CDC42: variants seen among roughly 807,000 people sequenced by gnomAD.
CDC42 encodes cell division cycle 42.
Under a neutral mutation model 20.8 loss-of-function variants are expected in CDC42, and 1 was observed. That is an observed-to-expected ratio of 0.05 (90% CI 0.02 to 0.23). The LOEUF (loss-of-function observed/expected upper bound fraction) is 0.23, where lower values mean the gene tolerates loss of function less well. Among genes scored for constraint, CDC42 ranks in the 10% least tolerant of loss-of-function variants. CDC42 has a pLI of 1.00. For missense variants in CDC42, 49 were observed against 227.9 expected (o/e 0.21, Z 5.05); for synonymous variants, 72 against 84.8 (o/e 0.85, Z 0.83).
rs976117816 is a variant in CDC42 at position 22,079,441 on chromosome 1, A to G, written c.105+858A>G. Among the ~76,000 whole-genome samples, 4 of 152,156 alleles carry G rather than the reference A, an allele frequency of 2.6e-5. No homozygotes were observed. The East Asian group carries it at 5.8e-4, about 22-fold the overall frequency. On this transcript the variant is annotated intron_variant, in intron 2 of 5. Transcript: ENST00000656825. ...GGCGTGAGCCACCATGCCTGGCCCC[A>G]TAACTGTTTTTTAAATCAACTCTTT...
At chr1:22,091,337 A>G in intron 5 of CDC42, 91 bp from the exon 6 acceptor site, 2 of 761,108 alleles carry the variant, frequency 2.6e-6, no homozygotes, top group East Asian at 2.6e-5. Flanking sequence ...TTCTTTGCCA[A>G]CTCTTGGGGG....
At position 22,098,000 on chromosome 1, in the gene CDC42, A is replaced by G. The variant is rs765533506; in HGVS notation, c.*6483A>G. On this transcript the variant is annotated 3_prime_UTR_variant, in exon 6 of 6. Coordinates refer to ENST00000656825, the MANE Select transcript of CDC42 (RefSeq NM_001791.4). The stretch of plus-strand genomic sequence containing the variant: ...ATAGCATTTTCTCAACCCTATTACA[A>G]TAGAGCACAGGATCATAACTGTTCT... 3.9e-5 allele frequency among the ~76,000 whole-genome samples: 6 copies of G among 152,064 alleles called. No individual in the cohort carries two copies. The highest frequency in any genetic ancestry group is 7.4e-5 in the Non-Finnish European group (5 of 68,018).
rs1010490063 is a variant in CDC42, at chr1:22,099,749, G to C, written c.*8232G>C. Among the ~76,000 whole-genome samples the C allele has an allele frequency of 6.6e-6, 1 of 152,084 alleles. No homozygotes were observed. Among genetic ancestry groups the C allele is most frequent in the Non-Finnish European group, 1.5e-5 (1 of 68,020 alleles). ...CTTTAGAGGATTGTAGGGTGCCTTT[G>C]CCCATTGTGTCATTTGGTCCTTCTT... is the stretch of plus-strand genomic sequence containing the variant. On this transcript the variant is annotated 3_prime_UTR_variant, in exon 6 of 6. Coordinates refer to ENST00000656825, the MANE Select transcript of CDC42 (RefSeq NM_001791.4).
In CDC42 at chr1:22,096,517, A is replaced by G. The variant is rs1285396625; in HGVS notation, c.*5000A>G. On this transcript the variant is annotated 3_prime_UTR_variant, in exon 6 of 6. Coordinates refer to ENST00000656825, the MANE Select transcript of CDC42 (RefSeq NM_001791.4). ...ATGACACATTCATTTGTCATTATTT[A>G]TCAAAAACCTGTTCCCTTCCCTGGC... Among the ~76,000 whole-genome samples the G allele has an allele frequency of 6.6e-6, 1 of 152,226 alleles. No homozygotes were observed.
rs1374732039 is a variant in CDC42, at chr1:22,094,600, A to G, written c.*3083A>G. Among the ~76,000 whole-genome samples the G allele has an allele frequency of 6.6e-6, 1 of 151,822 alleles. No homozygotes were observed. Among genetic ancestry groups the G allele is most frequent in the Non-Finnish European group, 1.5e-5 (1 of 67,936 alleles). ...GCGTGAGCCACCGCGCCCGGCCAGA[A>G]ATAGATTTTATAGTTAAAGCGATGT... On this transcript the variant is annotated 3_prime_UTR_variant, in exon 6 of 6. Transcript: ENST00000656825.
At chr1:22,053,712 TAGTC>T (rs1209177265) in intron 1 of CDC42, among the ~76,000 whole-genome samples, 2 of 152,196 alleles carry the variant, frequency 1.3e-5, no homozygotes, top group Non-Finnish European at 2.9e-5. Flanking sequence ...TTTGCAGCCT[TAGTC>T]GGTCACCCAG....
chr1:22,087,795 T>A (rs748901624), intron 5 of CDC42, among the ~76,000 whole-genome samples: 3 of 152,204 alleles, frequency 2.0e-5, no homozygotes, highest in Non-Finnish European at 2.9e-5. Flanking sequence ...ATTGTGTTTC[T>A]AAAAAACACT....
chr1:22,075,065 G>T (rs1337253033), intron 1 of CDC42, among the ~76,000 whole-genome samples: 1 of 152,134 alleles, frequency 6.6e-6, no homozygotes, highest in African/African-American at 2.4e-5. Flanking sequence ...TGGTAAACTG[G>T]CTGTCATCTC....
At chr1:22,082,238 G>T (rs1645614835) in intron 3 of CDC42, among the ~76,000 whole-genome samples, 1 of 151,056 alleles carries the variant, frequency 6.6e-6, no homozygotes, top group Non-Finnish European at 1.5e-5. Context: ...AAGGTCATAA[G>T]CCATTTACAG....
intron 1 of CDC42, among the ~76,000 whole-genome samples, chr1:22,057,053 T>C (rs778725328): frequency 3.7e-4 from 56 of 152,366 alleles, no homozygotes; most frequent in Middle Eastern, 6.8e-3. Context: ...GCATAGACTC[T>C]GGAACCAGAC....
chr1:22,055,869 T>TG (rs1167898614), intron 1 of CDC42, among the ~76,000 whole-genome samples: 2 of 148,038 alleles, frequency 1.4e-5, no homozygotes. Context: ...GTTTTAGAGT[T>TG]TTTTTTTTTT....
intron 1 of CDC42, among the ~76,000 whole-genome samples, chr1:22,053,045 A>C (rs1199008228): frequency 6.6e-6 from 1 of 150,882 alleles, no homozygotes; most frequent in Non-Finnish European, 1.5e-5. Flanking sequence ...CAGCGGCGGA[A>C]GGAAGGGGGT....
At chr1:22,077,847 A>T (rs1389264106) in intron 1 of CDC42, among the ~76,000 whole-genome samples, 1 of 152,206 alleles carries the variant, frequency 6.6e-6, no homozygotes, top group African/African-American at 2.4e-5. Flanking sequence ...TAGGTTTTGG[A>T]CTAGGCATTC....
At chr1:22,066,547 C>CT (rs1645425798) in intron 1 of CDC42, among the ~76,000 whole-genome samples, 1 of 152,100 alleles carries the variant, frequency 6.6e-6, no homozygotes, top group South Asian at 2.1e-4. Context: ...TTTTAAAAGT[C>CT]TGTTTCTACT....
chr1:22,052,911 G>C (rs1358141035), intron 1 of CDC42, 169 bp downstream of exon 1: 4 of 152,166 alleles, frequency 2.6e-5, no homozygotes, highest in African/African-American at 9.7e-5. Context: ...CTCCGGGCGG[G>C]CGCGGGTCCG....
Position 22,098,364 on chromosome 1 carries a change from C to G in CDC42, c.*6847C>G, listed in dbSNP as rs780978360. Among the ~76,000 whole-genome samples the G allele has an allele frequency of 2.1e-4, 32 of 151,992 alleles. No individual in the cohort carries two copies. Among genetic ancestry groups the G allele is most frequent in the Admixed American group, 9.8e-4 (15 of 15,266 alleles). On this transcript the variant is annotated 3_prime_UTR_variant, in exon 6 of 6. Transcript: ENST00000656825. Reference sequence around the variant, plus strand: ...TGAAAAAAAAAATACTCCTGAGATTCTGAATCTGTAAGTATGCAATGGGAC... The same window carrying G: ...TGAAAAAAAAAATACTCCTGAGATTGTGAATCTGTAAGTATGCAATGGGAC...
At chr1:22,080,580 A>G (rs909620316) in intron 2 of CDC42, among the ~76,000 whole-genome samples, 11 of 151,192 alleles carry the variant, frequency 7.3e-5, no homozygotes, top group Admixed American at 1.3e-4. Flanking sequence ...TTTTCTTTTT[A>G]TAGATATCAT....
Position 22,094,294 on chromosome 1 carries a change from ATTTTTTTTTT to A in CDC42, c.*2789_*2798del, listed in dbSNP as rs747002932. 2.6e-5 allele frequency among the ~76,000 whole-genome samples: 1 copy of A among 38,292 alleles called. No homozygotes were observed. The highest frequency in any genetic ancestry group is 1.2e-4 in the African/African-American group (1 of 8,188). The allele number at this position is 38,292 out of a possible 152,430, so 25.1% of individuals were successfully genotyped here. The stretch of plus-strand genomic sequence containing the variant: ...GTTTTACTGAACATCCTAGAAATAG[ATTTTTTTTTT>A]TTTTTTTTTTTGAGACGGAGTCTCG... On this transcript the variant is annotated 3_prime_UTR_variant, in exon 6 of 6. Transcript: ENST00000656825.
intron 1 of CDC42, among the ~76,000 whole-genome samples, chr1:22,062,565 A>G (rs958661644): frequency 2.0e-5 from 3 of 152,004 alleles, no homozygotes; most frequent in African/African-American, 7.2e-5. Context: ...GTGCATGTAT[A>G]AGAACATAAG....
Sources: allele counts gnomAD v4.1 joint callset (sites outside exome capture counted in the v4.1 genomes callset), GRCh38; gene constraint gnomAD v4.1.1; transcripts MANE v1.5; gene names NCBI Gene and HGNC (gene_info 2026-07-23, HGNC 2026-07-21).